The following WWP1 variants were observed in gnomAD, a reference collection of about 807,000 sequenced individuals.
WWP1 encodes the protein NEDD4-like E3 ubiquitin-protein ligase WWP1.
Under a neutral mutation model 130.6 loss-of-function variants are expected in WWP1, and 49 were observed. The observed-to-expected ratio is 0.38, with a 90% CI of 0.30 to 0.48. WWP1 has a LOEUF of 0.48. Ranked by LOEUF, WWP1 falls within the 20% of genes least tolerant of loss-of-function variation. The probability of loss-of-function intolerance (pLI) is 0.99; values close to 1 mark genes in which losing one functional copy is unlikely to be tolerated. For synonymous variants in WWP1, 332 were observed against 367.8 expected (o/e 0.90, Z 1.11); for missense variants, 809 against 1,100.6 (o/e 0.74, Z 3.75).
chr8:86,438,762 G>C, intron 17 of WWP1, 89 bp downstream of exon 17: 1 of 1,108,864 alleles, frequency 9.0e-7, no homozygotes. Context: ...TGAATATATT[G>C]TATTAAATTT....
At chr8:86,457,694 G>A (rs914578865) in intron 21 of WWP1, among the ~76,000 whole-genome samples, 7 of 151,894 alleles carry the variant, frequency 4.6e-5, no homozygotes, top group South Asian at 2.1e-4. Context: ...CTCTAAATGC[G>A]GTTTTTGGTT....
intron 23 of WWP1, 50 bp downstream of exon 23, chr8:86,461,370 A>G: frequency 1.3e-6 from 2 of 1,489,680 alleles, no homozygotes; most frequent in East Asian, 2.3e-5. Flanking sequence ...TGTGATAATA[A>G]TGGCCTTTGG....
chr8:86,424,472 G>A (rs1274179631), intron 9 of WWP1, among the ~76,000 whole-genome samples: 5 of 150,476 alleles, frequency 3.3e-5, no homozygotes, highest in South Asian at 4.2e-4. Flanking sequence ...GGTGGAGGTT[G>A]TAGCTAGCCG....
At chr8:86,409,582 G>T (rs1808474829) in intron 8 of WWP1, among the ~76,000 whole-genome samples, 1 of 151,146 alleles carries the variant, frequency 6.6e-6, no homozygotes, top group Non-Finnish European at 1.5e-5. Context: ...ACAATAGGCT[G>T]GGCACAGTGG....
chr8:86,456,812 C>T (rs1043554553), intron 21 of WWP1, among the ~76,000 whole-genome samples: 1 of 151,800 alleles, frequency 6.6e-6, no homozygotes, highest in African/African-American at 2.4e-5. Context: ...GGATGAATCT[C>T]AAAAACATGT....
chr8:86,373,600 T>A (rs1824456683), intron 2 of WWP1, among the ~76,000 whole-genome samples: 1 of 152,144 alleles, frequency 6.6e-6, no homozygotes, highest in African/African-American at 2.4e-5. Context: ...AATTTGATTT[T>A]TAAGATTATA....
intron 9 of WWP1, among the ~76,000 whole-genome samples, chr8:86,424,780 C>G (rs1262528066): frequency 2.1e-5 from 3 of 141,076 alleles, no homozygotes; most frequent in Non-Finnish European, 4.6e-5. Flanking sequence ...GGCTTGGCAT[C>G]AGAGGGAGAG....
At chr8:86,407,983 A>G (rs1023721742) in intron 8 of WWP1, among the ~76,000 whole-genome samples, 3 of 152,198 alleles carry the variant, frequency 2.0e-5, no homozygotes, top group African/African-American at 7.2e-5. Context: ...TGAGAAATGC[A>G]TATCGTCATG....
At position 86,430,723 on chromosome 8, in the gene WWP1, C is replaced by A; in HGVS notation, c.1359C>A (p.Asp453Glu). The A allele has an allele frequency of 6.3e-7, 1 of 1,576,196 alleles. No individual in the cohort carries two copies. Among genetic ancestry groups the A allele is most frequent in the Non-Finnish European group, 8.6e-7 (1 of 1,160,014 alleles). The change falls in exon 12 of 25, where the codon GAC becomes GAA. Residue 453 changes from aspartate (D) to glutamate (E), a missense_variant. By Grantham distance (45) the Asp-to-Glu change is conservative. Transcript: ENST00000517970. ...CTTCAATGTTAGCTGCAGAAAATGA[C>A]CCTTATGGACCTTTGCCACCAGGCT... Reference protein sequence around the residue: ...YSASMLAAENDPYGPLPPGWE... With the variant: ...YSASMLAAENEPYGPLPPGWE...
chr8:86,382,831 C>G (rs1825059064), intron 5 of WWP1, among the ~76,000 whole-genome samples: 1 of 152,230 alleles, frequency 6.6e-6, no homozygotes, highest in Admixed American at 6.5e-5. Flanking sequence ...AAAATAGGCT[C>G]TTGCTCAAAT....
chr8:86,443,975 G>T (rs930083188), intron 18 of WWP1, among the ~76,000 whole-genome samples: 1 of 152,174 alleles, frequency 6.6e-6, no homozygotes, highest in Non-Finnish European at 1.5e-5. Flanking sequence ...GGCAATGAGT[G>T]ACCTGATCTA....
chr8:86,383,474 G>A (rs1200717091), intron 5 of WWP1, among the ~76,000 whole-genome samples: 2 of 152,178 alleles, frequency 1.3e-5, no homozygotes, highest in Non-Finnish European at 2.9e-5. Flanking sequence ...GTGTGCAGTG[G>A]TTCATGCCTG....
intron 8 of WWP1, among the ~76,000 whole-genome samples, chr8:86,408,573 G>C (rs1039693968): frequency 6.6e-6 from 1 of 152,164 alleles, no homozygotes; most frequent in African/African-American, 2.4e-5. Flanking sequence ...TTCCCATTGA[G>C]AGATATTTTA....
chr8:86,362,190 A>G (rs1321532122), intron 1 of WWP1, among the ~76,000 whole-genome samples: 12 of 134,790 alleles, frequency 8.9e-5, no homozygotes, highest in African/African-American at 2.9e-4. Context: ...ATATATATAT[A>G]TATATATATA....
At chr8:86,394,922 G>T (rs1252683337) in intron 5 of WWP1, among the ~76,000 whole-genome samples, 1 of 126,302 alleles carries the variant, frequency 7.9e-6, no homozygotes, top group Non-Finnish European at 1.6e-5. Flanking sequence ...AAGGTAGAGG[G>T]CTGTTCTTCT....
At chr8:86,351,343 C>CT (rs914642519) in intron 1 of WWP1, among the ~76,000 whole-genome samples, 22 of 151,808 alleles carry the variant, frequency 1.4e-4, no homozygotes, top group African/African-American at 4.8e-4. Context: ...CCACCCCCAG[C>CT]TTTTTTTTGA....
intron 14 of WWP1, among the ~76,000 whole-genome samples, chr8:86,432,244 A>T (rs1365624433): frequency 6.6e-6 from 1 of 152,134 alleles, no homozygotes; most frequent in Non-Finnish European, 1.5e-5. Flanking sequence ...TCTCTCCTTC[A>T]TTCTTACTCT....
chr8:86,405,777 C>A (rs1586372792), intron 8 of WWP1, among the ~76,000 whole-genome samples: 2 of 152,222 alleles, frequency 1.3e-5, no homozygotes, highest in East Asian at 3.9e-4. Flanking sequence ...AGCAATCATC[C>A]CACCTCAGCT....
At chr8:86,461,161 A>T in intron 22 of WWP1, 63 bp from the exon 23 acceptor site, 1 of 1,410,504 alleles carries the variant, frequency 7.1e-7, no homozygotes, top group Non-Finnish European at 1.0e-6. Flanking sequence ...TCAAGTGTCT[A>T]CTACTTTCAT....
Sources: allele counts gnomAD v4.1 joint callset (sites outside exome capture counted in the v4.1 genomes callset), GRCh38; gene constraint gnomAD v4.1.1; transcripts MANE v1.5; gene names NCBI Gene and HGNC (gene_info 2026-07-23, HGNC 2026-07-21).